TACC1: variants seen among roughly 807,000 people sequenced by gnomAD.
TACC1 encodes transforming acidic coiled-coil containing protein 1, also known as transforming acidic coiled-coil-containing protein 1.
TACC1 carries 48 observed loss-of-function variants against 84.4 expected under a neutral mutation model. That is an observed-to-expected ratio of 0.57 (90% CI 0.45 to 0.72). TACC1 has a LOEUF of 0.72. Ranked by LOEUF, TACC1 falls within the 30% of genes least tolerant of loss-of-function variation. The pLI, the probability that TACC1 is intolerant of heterozygous loss-of-function variation, is 0.00. For synonymous variants in TACC1, 372 were observed against 376.3 expected (o/e 0.99, Z 0.13); for missense variants, 920 against 973.0 (o/e 0.95, Z 0.72).
chr8:38,784,517 G>A (rs1816737268), upstream of TACC1, among the ~76,000 whole-genome samples: 2 of 151,866 alleles, frequency 1.3e-5, no homozygotes, highest in South Asian at 4.2e-4. Flanking sequence ...GCAGTCAGCT[G>A]AGACTGCACC....
intron 2 of TACC1, among the ~76,000 whole-genome samples, chr8:38,792,839 A>G (rs1436267671): frequency 1.3e-5 from 2 of 151,848 alleles, no homozygotes; most frequent in Non-Finnish European, 2.9e-5. Context: ...GCCTAAAGGG[A>G]TTCTCCTGCC....
In TACC1 at chr8:38,787,552, C is replaced by A; in HGVS notation, c.-31C>A. On this transcript the variant is annotated 5_prime_UTR_variant, in exon 1 of 13. Coordinates refer to ENST00000317827, the MANE Select transcript of TACC1 (RefSeq NM_006283.3). The stretch of plus-strand genomic sequence containing the variant: ...GGCTCTCCCCACCCATTCCCCTGCC[C>A]CTAGGAGCTGGAGCCGGAGGAGCCG... The A allele has an allele frequency of 6.5e-7, 1 of 1,527,608 alleles. No individual in the cohort carries two copies. The highest frequency in any genetic ancestry group is 8.8e-7 in the Non-Finnish European group (1 of 1,137,866). The allele number at this position is 1,527,608 out of a possible 1,614,324, so 94.6% of individuals were successfully genotyped here.
intron 12 of TACC1, 88 bp from the exon 13 acceptor site, chr8:38,847,867 G>A: frequency 9.3e-7 from 1 of 1,071,738 alleles, no homozygotes; most frequent in South Asian, 1.4e-5. Flanking sequence ...CTAGGGTAGG[G>A]TAGATCCAGA....
chr8:38,737,292 T>C (rs1349674172), intron 1 of TACC1, among the ~76,000 whole-genome samples: 4 of 152,180 alleles, frequency 2.6e-5, no homozygotes, highest in African/African-American at 7.2e-5. Flanking sequence ...CCCCCAATAG[T>C]TTCATTTACT....
chr8:38,790,964 C>T (rs554447390), intron 2 of TACC1, among the ~76,000 whole-genome samples: 15 of 152,240 alleles, frequency 9.9e-5, no homozygotes, highest in South Asian at 4.2e-4. Flanking sequence ...CCTTTTCTTC[C>T]GTAAAGATTG....
chr8:38,757,685 G>A (rs1010918346), intron 3 of TACC1, among the ~76,000 whole-genome samples: 11 of 152,026 alleles, frequency 7.2e-5, no homozygotes, highest in Admixed American at 6.6e-4. Flanking sequence ...GGGAGACAAG[G>A]GGACCCCGGC....
At chr8:38,753,358 C>T (rs1315166399) in intron 3 of TACC1, among the ~76,000 whole-genome samples, 2 of 152,146 alleles carry the variant, frequency 1.3e-5, no homozygotes, top group East Asian at 3.8e-4. Context: ...CCCCTCTTGG[C>T]CTACCGAAGG....
intron 7 of TACC1, among the ~76,000 whole-genome samples, chr8:38,837,767 G>A (rs915247879): frequency 5.3e-5 from 8 of 152,164 alleles, no homozygotes; most frequent in Admixed American, 1.3e-4. Context: ...GGAAGAGAGC[G>A]GCACGGCCAG....
At chr8:38,806,874 C>T (rs554424457) in intron 2 of TACC1, among the ~76,000 whole-genome samples, 5 of 152,340 alleles carry the variant, frequency 3.3e-5, no homozygotes, top group Non-Finnish European at 5.9e-5. Flanking sequence ...CACAAAACTG[C>T]TCTCGCTTCA....
In TACC1 at chr8:38,753,240, C is replaced by T. The variant is rs530592220; in HGVS notation, c.26+7747C>T. On this transcript the variant is annotated intron_variant, in intron 3 of 14. Transcript: ENST00000518415. ...TCACGCTCCTGAGTATCTGTGACTG[C>T]AGGTGAGCCCCACCATGCTCAGCCA... Among the ~76,000 whole-genome samples the T allele has an allele frequency of 2.6e-5, 4 of 152,216 alleles. No individual in the cohort carries two copies. The South Asian group carries it at 8.3e-4, about 32-fold the overall frequency.
chr8:38,833,656 G>A (rs1233584336), intron 6 of TACC1, among the ~76,000 whole-genome samples: 2 of 152,182 alleles, frequency 1.3e-5, no homozygotes, highest in Non-Finnish European at 2.9e-5. Context: ...TTGTTAAGCA[G>A]GCAGACTGAA....
intron 2 of TACC1, 64 bp downstream of exon 2, chr8:38,788,883 AGG>A: frequency 7.5e-7 from 1 of 1,339,488 alleles, no homozygotes; most frequent in Non-Finnish European, 1.0e-6. Context: ...ATATCAATGA[AGG>A]AAGGAAAAAA....
intron 2 of TACC1, among the ~76,000 whole-genome samples, chr8:38,802,932 A>G (rs1054125740): frequency 6.6e-6 from 1 of 152,224 alleles, no homozygotes; most frequent in Non-Finnish European, 1.5e-5. Context: ...CACCTACAAC[A>G]CTGGGAATCA....
upstream of TACC1, among the ~76,000 whole-genome samples, chr8:38,785,475 G>A (rs1816958183): frequency 6.6e-6 from 1 of 152,182 alleles, no homozygotes; most frequent in African/African-American, 2.4e-5. Context: ...CCAGGCAGGG[G>A]TGACCTCAGG....
At chr8:38,783,088 ATCTATCTATC>A (rs1387643290), upstream of TACC1, among the ~76,000 whole-genome samples, 3 of 109,820 alleles carry the variant, frequency 2.7e-5, no homozygotes, top group African/African-American at 4.8e-5. Context: ...CTATCTATCT[ATCTATCTATC>A]TATCTATCTA....
chr8:38,801,066 A>G (rs1413940265), intron 2 of TACC1, among the ~76,000 whole-genome samples: 2 of 152,184 alleles, frequency 1.3e-5, no homozygotes, highest in Non-Finnish European at 2.9e-5. Flanking sequence ...AGAAATGTCT[A>G]TTCAGATTCT....
At chr8:38,835,577 G>T (rs896637586) in intron 6 of TACC1, among the ~76,000 whole-genome samples, 15 of 152,246 alleles carry the variant, frequency 9.9e-5, no homozygotes, top group African/African-American at 3.1e-4. Context: ...GCAGGAGGTC[G>T]CTGCGGAGCA....
At chr8:38,764,514 T>C (rs966552030) in intron 3 of TACC1, among the ~76,000 whole-genome samples, 1 of 152,182 alleles carries the variant, frequency 6.6e-6, no homozygotes, top group Admixed American at 6.5e-5. Context: ...GAGAATGTTA[T>C]GTTTATTAGC....
chr8:38,840,997 C>T (rs917773504), intron 9 of TACC1, among the ~76,000 whole-genome samples: 4 of 152,072 alleles, frequency 2.6e-5, no homozygotes, highest in African/African-American at 2.4e-5. Context: ...TATGGTGAGC[C>T]GAGATCGTGC....
Sources: allele counts gnomAD v4.1 joint callset (sites outside exome capture counted in the v4.1 genomes callset), GRCh38; gene constraint gnomAD v4.1.1; transcripts MANE v1.5; gene names NCBI Gene and HGNC (gene_info 2026-07-23, HGNC 2026-07-21).